SAMD12: variants seen among roughly 807,000 people sequenced by gnomAD.
SAMD12 encodes the protein sterile alpha motif domain containing 12.
SAMD12 carries 9 observed loss-of-function variants against 15.0 expected under a neutral mutation model. That is an observed-to-expected ratio of 0.60 (90% CI 0.36 to 1.05). SAMD12 has a LOEUF of 1.05. Ranked by LOEUF, SAMD12 falls within the 50% of genes least tolerant of loss-of-function variation. The pLI, the probability that SAMD12 is intolerant of heterozygous loss-of-function variation, is 0.01. For missense variants in SAMD12, 230 were observed against 234.2 expected, an observed-to-expected ratio of 0.98 and a Z score of 0.12; for synonymous variants, 86 against 90.1, an observed-to-expected ratio of 0.96 and a Z score of 0.25.
chr8:118,255,435 C>T (rs576381643), intron 4 of SAMD12, among the ~76,000 whole-genome samples: 21 of 151,592 alleles, frequency 1.4e-4, no homozygotes, highest in South Asian at 6.3e-4. Flanking sequence ...ACATGTGCCA[C>T]GCTGGTGTGC....
intron 4 of SAMD12, among the ~76,000 whole-genome samples, chr8:118,205,996 A>T (rs948529940): frequency 9.2e-5 from 14 of 152,238 alleles, no homozygotes; most frequent in African/African-American, 3.4e-4. Context: ...TGTGAGCCTG[A>T]AAAACCTCTC....
the SAMD12 span, among the ~76,000 whole-genome samples, chr8:118,139,569 G>T: frequency 6.6e-6 from 1 of 152,026 alleles, no homozygotes; most frequent in African/African-American, 2.4e-5. Flanking sequence ...TCCTGCCCAG[G>T]CTGCTCTTGA....
Position 118,378,395 on chromosome 8 carries a change from T to C in SAMD12, c.*1022A>G. On this transcript the variant is annotated 3_prime_UTR_variant, in exon 4 of 4. Transcript: ENST00000314727. ...ATTTCACATTCAAATTTAAATCACT[T>C]AGTATACCAGTAAATTCACCATTGG... is the stretch of plus-strand genomic sequence containing the variant. 2 of 964,554 alleles carry C rather than the reference T, an allele frequency of 2.1e-6. No individual in the cohort carries two copies. The highest frequency in any genetic ancestry group is 2.5e-6 in the Non-Finnish European group (2 of 811,076). 59.7% of individuals were successfully genotyped at this position (964,554 alleles called of 1,614,324 possible).
chr8:118,460,872 G>A (rs977671137), intron 2 of SAMD12, among the ~76,000 whole-genome samples: 4 of 152,218 alleles, frequency 2.6e-5, no homozygotes, highest in Non-Finnish European at 4.4e-5. Context: ...CTATGGTCCC[G>A]TCTGGCAAAA....
At chr8:118,340,058 CAACA>C (rs1387247576) in intron 4 of SAMD12, among the ~76,000 whole-genome samples, 1 of 152,198 alleles carries the variant, frequency 6.6e-6, no homozygotes, top group African/African-American at 2.4e-5. Context: ...TTCATTTATT[CAACA>C]AACATTTACT....
At chr8:118,320,368 G>A (rs1163428520) in intron 4 of SAMD12, among the ~76,000 whole-genome samples, 2 of 152,032 alleles carry the variant, frequency 1.3e-5, no homozygotes, top group Non-Finnish European at 2.9e-5. Flanking sequence ...AAGGGTTAAG[G>A]GAAGGGATCC....
chr8:118,266,699 T>C (rs1007283822), intron 4 of SAMD12, among the ~76,000 whole-genome samples: 5 of 152,110 alleles, frequency 3.3e-5, no homozygotes, highest in Non-Finnish European at 7.4e-5. Context: ...TGGATGAACC[T>C]GGAGGACATT....
intron 2 of SAMD12, among the ~76,000 whole-genome samples, chr8:118,547,652 G>C (rs998812623): frequency 1.3e-5 from 2 of 152,156 alleles, no homozygotes; most frequent in African/African-American, 4.8e-5. Context: ...TTCTTGAAAG[G>C]TAGGGTGAGA....
chr8:118,135,584 C>T, the SAMD12 span, among the ~76,000 whole-genome samples: 3 of 152,104 alleles, frequency 2.0e-5, no homozygotes, highest in Non-Finnish European at 4.4e-5. Flanking sequence ...GCTCTGTCAC[C>T]CAGGCTGGAG....
At chr8:118,148,847 A>G in the SAMD12 span, among the ~76,000 whole-genome samples, 1 of 152,208 alleles carries the variant, frequency 6.6e-6, no homozygotes, top group African/African-American at 2.4e-5. Context: ...CCCATGTTAC[A>G]GCATGTTCAA....
chr8:118,370,946 A>AT (rs1481329123), intron 4 of SAMD12, among the ~76,000 whole-genome samples: 27 of 55,220 alleles, frequency 4.9e-4, no homozygotes, highest in African/African-American at 4.6e-3. Context: ...ACTTAAATAA[A>AT]ATTTTTTTTA....
At chr8:118,179,109 A>G in the SAMD12 span, among the ~76,000 whole-genome samples, 1 of 152,172 alleles carries the variant, frequency 6.6e-6, no homozygotes, top group Non-Finnish European at 1.5e-5. Flanking sequence ...GGGGAGTGTC[A>G]ATAATTTCTC....
At chr8:118,350,292 T>A (rs1261124400) in intron 4 of SAMD12, among the ~76,000 whole-genome samples, 1 of 152,228 alleles carries the variant, frequency 6.6e-6, no homozygotes, top group Non-Finnish European at 1.5e-5. Flanking sequence ...CTCTTCTAGC[T>A]GCTTCAATCA....
intron 3 of SAMD12, among the ~76,000 whole-genome samples, chr8:118,397,908 T>G (rs1820664768): frequency 6.6e-6 from 1 of 152,154 alleles, no homozygotes; most frequent in Non-Finnish European, 1.5e-5. Flanking sequence ...TCCTCCCATC[T>G]CAGCCCCGCA....
At chr8:118,580,949 A>G (rs776780329) in intron 1 of SAMD12, 56 bp from the exon 2 acceptor site, 9 of 1,374,758 alleles carry the variant, frequency 6.5e-6, no homozygotes, top group East Asian at 4.8e-5. Context: ...GAAGGTGTCC[A>G]TGACAGAAAA....
At chr8:118,545,372 C>A (rs1826095505) in intron 2 of SAMD12, among the ~76,000 whole-genome samples, 2 of 152,112 alleles carry the variant, frequency 1.3e-5, no homozygotes, top group Non-Finnish European at 2.9e-5. Context: ...GAGGCTGAGG[C>A]AGGAGAATCG....
chr8:118,213,382 G>A (rs1173835015), intron 4 of SAMD12, among the ~76,000 whole-genome samples: 2 of 152,154 alleles, frequency 1.3e-5, no homozygotes, highest in Admixed American at 6.5e-5. Context: ...AATAAGCCAT[G>A]ACGCAACATG....
chr8:118,267,076 T>G lies in SAMD12; in HGVS notation c.434-69344A>C, dbSNP rs149572292. 5.2e-3 allele frequency among the ~76,000 whole-genome samples: 789 copies of G among 152,200 alleles called. 9 individuals are homozygous for G. The highest frequency in any genetic ancestry group is 0.018 in the African/African-American group (746 of 41,544). Reference sequence around the variant, plus strand: ...TGTTTTATATATATATATCAAAATATCATGCTGTACTAACATATACATTTT... The same window carrying G: ...TGTTTTATATATATATATCAAAATAGCATGCTGTACTAACATATACATTTT... On this transcript the variant is annotated intron_variant, in intron 4 of 4. Coordinates refer to the SAMD12 transcript ENST00000409003.
Position 118,378,974 on chromosome 8 carries a change from C to G in SAMD12, c.*443G>C. 1 of 967,192 alleles carries G rather than the reference C, an allele frequency of 1.0e-6. No individual in the cohort carries two copies. Among genetic ancestry groups the G allele is most frequent in the Non-Finnish European group, 1.2e-6 (1 of 811,040 alleles). The allele number at this position is 967,192 out of a possible 1,614,324, so 59.9% of individuals were successfully genotyped here. A position where few individuals can be genotyped will look rare whatever the true frequency, so the allele number is the denominator to read the frequency against. On this transcript the variant is annotated 3_prime_UTR_variant, in exon 4 of 4. Transcript: ENST00000314727. The stretch of plus-strand genomic sequence containing the variant: ...TCTATTATAAAAATTATTCCACTTT[C>G]AAGAAGCTAAATGGGGTTCTTACAA...
Sources: allele counts gnomAD v4.1 joint callset (sites outside exome capture counted in the v4.1 genomes callset), GRCh38; gene constraint gnomAD v4.1.1; transcripts MANE v1.5; gene names NCBI Gene and HGNC (gene_info 2026-07-23, HGNC 2026-07-21).